The following RNF130 variants were observed in gnomAD, a reference collection of about 807,000 sequenced individuals.
RNF130 encodes E3 ubiquitin-protein ligase RNF130.
In RNF130, 21 loss-of-function variants were observed where a neutral mutation model predicts 44.6. The ratio of observed to expected loss-of-function variants is 0.47; its 90% CI spans 0.33 to 0.68. The LOEUF (loss-of-function observed/expected upper bound fraction) is 0.68, where lower values mean the gene tolerates loss of function less well. RNF130 is among the 30% of genes least tolerant of loss of function. RNF130 has a pLI of 0.02. For synonymous variants in RNF130, 214 were observed against 210.4 expected (o/e 1.02, Z -0.15); for missense variants, 479 against 560.6 (o/e 0.85, Z 1.47).
chr5:179,937,327 G>A (rs1208980279), intron 7 of RNF130, among the ~76,000 whole-genome samples: 2 of 152,186 alleles, frequency 1.3e-5, no homozygotes, highest in Non-Finnish European at 2.9e-5. Context: ...TATCTGGAAT[G>A]TATAAAGAAA....
At chr5:179,954,232 C>G (rs148437710), downstream of RNF130, among the ~76,000 whole-genome samples, 468 of 152,298 alleles carry the variant, frequency 3.1e-3, 2 homozygotes, top group African/African-American at 0.011. Flanking sequence ...AATCCAGCAA[C>G]TGCACTCCTA....
At chr5:179,944,153 G>C (rs1762004429) in intron 7 of RNF130, among the ~76,000 whole-genome samples, 1 of 147,362 alleles carries the variant, frequency 6.8e-6, no homozygotes, top group South Asian at 2.1e-4. Context: ...ATTTTTAGTA[G>C]AGACGGGGGG....
chr5:180,059,283 T>C (rs929787300), intron 1 of RNF130, among the ~76,000 whole-genome samples: 4 of 152,240 alleles, frequency 2.6e-5, no homozygotes, highest in Non-Finnish European at 4.4e-5. Context: ...CAGGGACGCC[T>C]TGACCACCCT....
intron 3 of RNF130, among the ~76,000 whole-genome samples, chr5:179,996,520 A>G (rs903789118): frequency 6.6e-6 from 1 of 152,186 alleles, no homozygotes; most frequent in East Asian, 1.9e-4. Context: ...TTAAGAGTTC[A>G]TATCATGAAG....
chr5:179,952,807 G>A (rs1464179431), downstream of RNF130, among the ~76,000 whole-genome samples: 1 of 152,060 alleles, frequency 6.6e-6, no homozygotes, highest in Non-Finnish European at 1.5e-5. Context: ...TGATAAAAAC[G>A]TTCAATAAGC....
At chr5:179,944,749 C>A (rs959305739) in intron 7 of RNF130, among the ~76,000 whole-genome samples, 2 of 150,050 alleles carry the variant, frequency 1.3e-5, no homozygotes, top group African/African-American at 5.0e-5. Context: ...AAAGTGAGAC[C>A]CTGTCTCAAA....
At chr5:179,914,476 T>C (rs1000818481) in exon 8 of RNF130, 27 of 152,254 alleles carry the variant, frequency 1.8e-4, no homozygotes, top group Non-Finnish European at 3.5e-4. Context: ...AATGTCAGTG[T>C]CCCCAGGGCT....
At chr5:180,049,607 T>C (rs971228628) in intron 1 of RNF130, among the ~76,000 whole-genome samples, 2 of 152,164 alleles carry the variant, frequency 1.3e-5, no homozygotes, top group African/African-American at 4.8e-5. Context: ...CTTTGATACA[T>C]TGTTTCAGTA....
intron 3 of RNF130, among the ~76,000 whole-genome samples, chr5:179,998,129 G>A (rs1443742579): frequency 1.3e-5 from 2 of 152,220 alleles, no homozygotes; most frequent in Non-Finnish European, 1.5e-5. Context: ...GTGAGCCACT[G>A]TGCTTGGCCT....
Position 180,040,535 on chromosome 5 carries a change from T to C in RNF130, c.360A>G (p.Ser120=), listed in dbSNP as rs1170148200. ...RGNCTFKEKI[S]RAAFHNAVAV... ...CAACTGCATTGTGGAAAGCGGCCCGTGATATTTTCTCTTTAAACGTGCAGT... is the reference window on the plus strand; with the variant it reads ...CAACTGCATTGTGGAAAGCGGCCCGCGATATTTTCTCTTTAAACGTGCAGT... Residue 120 remains serine (S), a synonymous_variant, in exon 2 of 9, where the codon TCA becomes TCG. Coordinates refer to ENST00000521389, the MANE Select transcript of RNF130 (RefSeq NM_018434.6). 14 of 1,614,246 alleles carry C rather than the reference T, an allele frequency of 8.7e-6. No homozygotes were observed. The highest frequency in any genetic ancestry group is 1.0e-5 in the Non-Finnish European group (12 of 1,180,034).
intron 7 of RNF130, among the ~76,000 whole-genome samples, chr5:179,928,754 G>C (rs1006091863): frequency 6.6e-6 from 1 of 150,596 alleles, no homozygotes; most frequent in South Asian, 2.1e-4. Context: ...TCAGCCTCCC[G>C]AGTAGCTGGG....
intron 2 of RNF130, among the ~76,000 whole-genome samples, chr5:180,029,056 CAA>C (rs1463117511): frequency 6.6e-6 from 1 of 152,180 alleles, no homozygotes; most frequent in Non-Finnish European, 1.5e-5. Context: ...CCCGAAATCA[CAA>C]AGCTGATAAT....
intron 3 of RNF130, among the ~76,000 whole-genome samples, chr5:179,986,085 C>T (rs1429358001): frequency 1.3e-5 from 2 of 152,200 alleles, no homozygotes; most frequent in East Asian, 1.9e-4. Flanking sequence ...CATATAATGA[C>T]TTTTCTTTTC....
At chr5:180,025,574 TTTTA>T (rs1287414237) in intron 2 of RNF130, among the ~76,000 whole-genome samples, 3 of 152,204 alleles carry the variant, frequency 2.0e-5, no homozygotes, top group Non-Finnish European at 4.4e-5. Context: ...TAAAGGCTAT[TTTTA>T]TTTTTTTAAA....
chr5:180,013,030 C>G (rs578151851), intron 3 of RNF130, 31 bp downstream of exon 3: 2 of 1,591,448 alleles, frequency 1.3e-6, no homozygotes, highest in Non-Finnish European at 1.7e-6. Flanking sequence ...CTGGCTGTTA[C>G]GAACCAATCA....
chr5:180,071,255 G>A (rs916294675), intron 1 of RNF130, among the ~76,000 whole-genome samples: 2 of 152,256 alleles, frequency 1.3e-5, no homozygotes, highest in African/African-American at 4.8e-5. Context: ...TTAAAAGAAG[G>A]GAAAAACCCA....
chr5:180,064,420 C>T (rs1403800606), intron 1 of RNF130, among the ~76,000 whole-genome samples: 1 of 151,080 alleles, frequency 6.6e-6, no homozygotes, highest in African/African-American at 2.5e-5. Context: ...ACCCTACCTG[C>T]CCATAGTCCC....
At chr5:179,946,584 C>G (rs542371482) in intron 7 of RNF130, among the ~76,000 whole-genome samples, 58 of 149,246 alleles carry the variant, frequency 3.9e-4, no homozygotes, top group African/African-American at 1.3e-3. Context: ...GACGGAGTCT[C>G]GCTCTGTCGC....
At position 179,980,110 on chromosome 5, in the gene RNF130, AGTT is replaced by A; in HGVS notation, c.765+16_765+18del. The stretch of plus-strand genomic sequence containing the variant: ...TGCTGGATTACTTTTACGGTGCTGA[AGTT>A]GTTTCATGACTGTACCTTGTCACCC... On this transcript the variant is annotated intron_variant, in intron 4 of 8. Coordinates refer to ENST00000521389, the MANE Select transcript of RNF130 (RefSeq NM_018434.6). 6.2e-7 allele frequency: 1 copy of A among 1,611,082 alleles called. No individual in the cohort carries two copies. The highest frequency in any genetic ancestry group is 8.5e-7 in the Non-Finnish European group (1 of 1,177,342).
Sources: gnomAD v4.1 joint callset for allele counts (sites outside exome capture counted in the v4.1 genomes callset) on GRCh38, gnomAD v4.1.1 for gene constraint, MANE v1.5 for transcripts, NCBI Gene and HGNC (gene_info 2026-07-23, HGNC 2026-07-21) for gene names.